TNIK: variants seen among roughly 807,000 people sequenced by gnomAD.
The protein encoded by TNIK is TRAF2 and NCK-interacting protein kinase.
TNIK carries 49 observed loss-of-function variants against 191.3 expected under a neutral mutation model. The ratio of observed to expected loss-of-function variants is 0.26; its 90% CI spans 0.20 to 0.32. TNIK has a LOEUF of 0.32. Ranked by LOEUF, TNIK falls within the 10% of genes least tolerant of loss-of-function variation. The probability of loss-of-function intolerance (pLI) is 1.00; values close to 1 mark genes in which losing one functional copy is unlikely to be tolerated. For missense variants in TNIK, 1,155 were observed against 1,702.3 expected (o/e 0.68, Z 5.66); for synonymous variants, 594 against 600.9 (o/e 0.99, Z 0.17).
At chr3:171,065,848 A>T (rs1399996214) in intron 32 of TNIK, among the ~76,000 whole-genome samples, 1 of 152,212 alleles carries the variant, frequency 6.6e-6, no homozygotes, top group African/African-American at 2.4e-5. Flanking sequence ...TAAAAGTGGA[A>T]GTATAAAGTT....
At chr3:171,139,596 G>T in intron 13 of TNIK, 40 bp from the exon 14 acceptor site, 2 of 1,599,432 alleles carry the variant, frequency 1.3e-6, no homozygotes, top group South Asian at 1.1e-5. Context: ...GGAACAGAAA[G>T]AAAGAGAGAA....
chr3:171,349,720 T>G (rs1225870744), intron 2 of TNIK, among the ~76,000 whole-genome samples: 1 of 152,242 alleles, frequency 6.6e-6, no homozygotes, highest in African/African-American at 2.4e-5. Flanking sequence ...CCATTCCATT[T>G]CAGTCATGTT....
intron 8 of TNIK, 84 bp from the exon 9 acceptor site, chr3:171,175,414 G>T: frequency 2.6e-6 from 3 of 1,143,852 alleles, no homozygotes; most frequent in Non-Finnish European, 3.7e-6. Flanking sequence ...GATAATGGCT[G>T]CCCAATGACC....
chr3:171,428,610 C>T (rs1034012327), intron 1 of TNIK, among the ~76,000 whole-genome samples: 1 of 150,080 alleles, frequency 6.7e-6, no homozygotes, highest in Non-Finnish European at 1.5e-5. Context: ...AAGGGCTCCG[C>T]CCCCACCCCC....
At chr3:171,215,400 A>C (rs926957942) in intron 3 of TNIK, among the ~76,000 whole-genome samples, 1 of 152,194 alleles carries the variant, frequency 6.6e-6, no homozygotes, top group Non-Finnish European at 1.5e-5. Context: ...CAGAACAGCT[A>C]TGAAGCTGGA....
chr3:171,419,973 T>C (rs1310096578), intron 1 of TNIK, among the ~76,000 whole-genome samples: 5 of 152,204 alleles, frequency 3.3e-5, no homozygotes, highest in East Asian at 1.9e-4. Context: ...ATGAACATGT[T>C]TGTGACTCGA....
At chr3:171,176,747 A>C (rs930963482) in intron 8 of TNIK, among the ~76,000 whole-genome samples, 6 of 152,202 alleles carry the variant, frequency 3.9e-5, no homozygotes, top group Non-Finnish European at 8.8e-5. Flanking sequence ...ACAATCAGTT[A>C]CACTTCCTAT....
At chr3:171,300,842 G>A (rs972366118) in intron 2 of TNIK, among the ~76,000 whole-genome samples, 9 of 152,038 alleles carry the variant, frequency 5.9e-5, no homozygotes, top group African/African-American at 1.2e-4. Flanking sequence ...TCCTTGATGC[G>A]GTTTCTGCCT....
At chr3:171,434,665 GC>G (rs1725806729) in intron 1 of TNIK, among the ~76,000 whole-genome samples, 1 of 151,958 alleles carries the variant, frequency 6.6e-6, no homozygotes, top group African/African-American at 2.4e-5. Flanking sequence ...TTTCTATGTT[GC>G]CCAGGCTGGT....
At chr3:171,452,185 A>G (rs1022421746) in intron 1 of TNIK, among the ~76,000 whole-genome samples, 1 of 152,104 alleles carries the variant, frequency 6.6e-6, no homozygotes, top group African/African-American at 2.4e-5. Flanking sequence ...CTAGAACAAC[A>G]CTTTAAATTA....
intron 1 of TNIK, 37 bp downstream of exon 1, chr3:171,459,970 A>T (rs1430375672): frequency 2.1e-6 from 3 of 1,432,978 alleles, no homozygotes; most frequent in Non-Finnish European, 1.9e-6. Flanking sequence ...ACCCTAACCC[A>T]AACCACTGGA....
At chr3:171,265,714 T>C (rs913107466) in intron 2 of TNIK, among the ~76,000 whole-genome samples, 2 of 152,356 alleles carry the variant, frequency 1.3e-5, no homozygotes, top group East Asian at 3.9e-4. Flanking sequence ...AGGGATGTGA[T>C]AAGCCAATAT....
chr3:171,110,761 G>A lies in TNIK; in HGVS notation c.2237C>T (p.Ser746Phe). 6.2e-7 allele frequency: 1 copy of A among 1,602,912 alleles called. No individual in the cohort carries two copies. The change falls in exon 19 of 33, where the codon TCC (serine) becomes TTC (phenylalanine). Residue 746 changes from serine to phenylalanine, a missense_variant. By Grantham distance (155) the Ser-to-Phe change is radical. Coordinates refer to ENST00000436636, the MANE Select transcript of TNIK (RefSeq NM_015028.4). ...PSSQPSSQGG[S>F]QPGSQAGSSE... is the part of the protein sequence containing the mutation. ...GGATCCTGCTTGTGATCCAGGCTGGGAGCCTCCTTGGGAGCTGGGCTGGGA... is the reference window on the plus strand; with the variant it reads ...GGATCCTGCTTGTGATCCAGGCTGGAAGCCTCCTTGGGAGCTGGGCTGGGA...
chr3:171,273,008 C>T (rs1165937026), intron 2 of TNIK, among the ~76,000 whole-genome samples: 1 of 152,232 alleles, frequency 6.6e-6, no homozygotes, highest in East Asian at 1.9e-4. Context: ...ACCAGAGATT[C>T]TGGTCAGGAC....
At chr3:171,165,728 C>T (rs986249992) in intron 10 of TNIK, among the ~76,000 whole-genome samples, 9 of 152,192 alleles carry the variant, frequency 5.9e-5, no homozygotes, top group African/African-American at 2.2e-4. Flanking sequence ...TGTGCCTCCC[C>T]TCCCATCCTC....
At chr3:171,231,909 A>AG (rs1246698407) in intron 2 of TNIK, among the ~76,000 whole-genome samples, 1 of 152,216 alleles carries the variant, frequency 6.6e-6, no homozygotes, top group Non-Finnish European at 1.5e-5. Context: ...TCTACCATCC[A>AG]GCTCCTAAAT....
intron 10 of TNIK, 22 bp downstream of exon 10, chr3:171,167,073 G>A: frequency 6.2e-7 from 1 of 1,602,082 alleles, no homozygotes; most frequent in African/African-American, 1.3e-5. Flanking sequence ...TTCTGCTGCT[G>A]AAATACAAAT....
chr3:171,165,162 T>C (rs1734456127), intron 10 of TNIK, among the ~76,000 whole-genome samples: 1 of 151,998 alleles, frequency 6.6e-6, no homozygotes, highest in Non-Finnish European at 1.5e-5. Flanking sequence ...CCAGGCATGG[T>C]GGTGTGCACC....
At chr3:171,190,180 A>G (rs1408841093) in intron 6 of TNIK, among the ~76,000 whole-genome samples, 1 of 152,232 alleles carries the variant, frequency 6.6e-6, no homozygotes. Flanking sequence ...GGATTCTCCC[A>G]CTGATGGAAG....
Sources: gnomAD v4.1 joint callset for allele counts (sites outside exome capture counted in the v4.1 genomes callset) on GRCh38, gnomAD v4.1.1 for gene constraint, MANE v1.5 for transcripts, NCBI Gene and HGNC (gene_info 2026-07-23, HGNC 2026-07-21) for gene names.